The following ATP9B variants were observed in gnomAD, a reference collection of about 807,000 sequenced individuals.
ATP9B encodes the protein probable phospholipid-transporting ATPase IIB.
Under a neutral mutation model 146.1 loss-of-function variants are expected in ATP9B, and 110 were observed. The observed-to-expected ratio is 0.75, with a 90% CI of 0.65 to 0.88. The LOEUF (loss-of-function observed/expected upper bound fraction) is 0.88, where lower values mean the gene tolerates loss of function less well. ATP9B is among the 40% of genes least tolerant of loss of function. The pLI, the probability that ATP9B is intolerant of heterozygous loss-of-function variation, is 0.00. For synonymous variants in ATP9B, 604 were observed against 569.7 expected (o/e 1.06, Z -0.86); for missense variants, 1,499 against 1,496.4 (o/e 1.00, Z -0.03).
At chr18:79,235,140 T>C (rs2095829473) in intron 11 of ATP9B, among the ~76,000 whole-genome samples, 2 of 152,204 alleles carry the variant, frequency 1.3e-5, no homozygotes, top group Admixed American at 1.3e-4. Flanking sequence ...CCCAAAGTGC[T>C]GGGTTGGATT....
rs181146838 is a variant in ATP9B, at chr18:79,167,680, G to T, written c.779-9133G>T. Among the ~76,000 whole-genome samples, 79 of 152,264 alleles carry T rather than the reference G, an allele frequency of 5.2e-4. 2 individuals are homozygous for T. In the East Asian group the frequency reaches 9.5e-3, roughly 18 times the overall value. On this transcript the variant is annotated intron_variant, in intron 7 of 29. Transcript: ENST00000426216. ...GAAGCGCATGCTGATTGGTCCATGGGCAGCCATGGGCGGGCCTAGAAAAAG... is the reference window on the plus strand; with the variant it reads ...GAAGCGCATGCTGATTGGTCCATGGTCAGCCATGGGCGGGCCTAGAAAAAG...
rs559684269 is a variant in ATP9B, at chr18:79,100,844, T to C, written c.293+4195T>C. 5.3e-4 allele frequency among the ~76,000 whole-genome samples: 80 copies of C among 152,226 alleles called. 1 individual carries two copies. The highest frequency in any genetic ancestry group is 1.9e-3 in the African/African-American group (78 of 41,524). On this transcript the variant is annotated intron_variant, in intron 2 of 29. Coordinates refer to ENST00000426216, the MANE Select transcript of ATP9B (RefSeq NM_198531.5). ...GGTGGCAGCAGGCAAAGAGAGCTTG[T>C]GCAGAAAAACTCCTGTTTTTAAAAT... is the stretch of plus-strand genomic sequence containing the variant.
At chr18:79,077,272 G>C (rs1057423793) in intron 1 of ATP9B, among the ~76,000 whole-genome samples, 3 of 152,156 alleles carry the variant, frequency 2.0e-5, no homozygotes, top group African/African-American at 7.2e-5. Flanking sequence ...GTGGTGGTGG[G>C]AGTGGAATGT....
intron 2 of ATP9B, among the ~76,000 whole-genome samples, chr18:79,107,952 G>A (rs953871925): frequency 6.6e-6 from 1 of 152,212 alleles, no homozygotes; most frequent in African/African-American, 2.4e-5. Context: ...TGATGTGGGA[G>A]TTCGGCATCA....
At chr18:79,247,849 G>C (rs9965441) in intron 11 of ATP9B, among the ~76,000 whole-genome samples, 33,871 of 152,108 alleles carry the variant, frequency 0.22, 4,087 homozygotes, top group African/African-American at 0.31. Flanking sequence ...CTTAAATTCT[G>C]AGTATAGAAT....
chr18:79,358,269 C>T (rs370436880), intron 25 of ATP9B, among the ~76,000 whole-genome samples: 1 of 984 alleles, frequency 1.0e-3, no homozygotes, highest in Non-Finnish European at 1.9e-3. Context: ...GTGAGGGGTG[C>T]CCTGGGTCTG....
At chr18:79,305,751 C>T (rs1352769390) in intron 14 of ATP9B, among the ~76,000 whole-genome samples, 2 of 152,140 alleles carry the variant, frequency 1.3e-5, no homozygotes, top group Non-Finnish European at 2.9e-5. Flanking sequence ...ATCATTTTTG[C>T]TGAAAGCTTC....
intron 10 of ATP9B, 126 bp from the exon 11 acceptor site, chr18:79,213,834 CTG>C: frequency 1.4e-6 from 1 of 707,978 alleles, no homozygotes; most frequent in Non-Finnish European, 2.2e-6. Flanking sequence ...ATTAAATACA[CTG>C]TTGGATAAAT....
At chr18:79,078,777 C>T (rs540305515) in intron 1 of ATP9B, among the ~76,000 whole-genome samples, 1 of 152,028 alleles carries the variant, frequency 6.6e-6, no homozygotes, top group East Asian at 1.9e-4. Flanking sequence ...CCATCATCTA[C>T]ATTAGGTATT....
intron 15 of ATP9B, among the ~76,000 whole-genome samples, chr18:79,307,702 A>G (rs1368746363): frequency 1.3e-5 from 2 of 152,254 alleles, no homozygotes; most frequent in Non-Finnish European, 2.9e-5. Context: ...AATGTAAATA[A>G]TTTCCAAAAC....
Position 79,373,900 on chromosome 18 carries a change from G to A in ATP9B, c.3073G>A (p.Gly1025Ser), listed in dbSNP as rs187515912. Residue 1025 changes from glycine to serine, a missense_variant and splice_region_variant, in exon 28 of 30, where the codon GGC becomes AGC. Coordinates refer to ENST00000426216, the MANE Select transcript of ATP9B (RefSeq NM_198531.5). ...AAAAAGCTCCTGCTGTTTTTCAGGC[G>A]GCATCCTCATGTATGGGGCCCTGGT... ...IWVLISIYQG[G>S]ILMYGALVLF... The A allele has an allele frequency of 2.3e-4, 376 of 1,612,556 alleles. 2 individuals are homozygous for A. The East Asian group carries it at 7.3e-3, about 31-fold the overall frequency.
At chr18:79,146,701 C>T (rs141998900) in intron 6 of ATP9B, 8 of 205,346 alleles carry the variant, frequency 3.9e-5, no homozygotes, top group East Asian at 1.6e-4. Context: ...TCCCTGACCA[C>T]GTGAGTACGC....
At chr18:79,295,128 A>G (rs1432248500) in intron 13 of ATP9B, among the ~76,000 whole-genome samples, 2 of 146,190 alleles carry the variant, frequency 1.4e-5, no homozygotes, top group Non-Finnish European at 3.0e-5. Flanking sequence ...ACACACACAC[A>G]GCAAGGTTGA....
rs75860502 is a variant in ATP9B, at chr18:79,081,642, G to A, written c.119+12113G>A. On this transcript the variant is annotated intron_variant, in intron 1 of 29. Transcript: ENST00000426216. ...AAAAACCCTTCAAACCCTTTTCTTCGAAGGGTTTTTCGTGTCTCTATCTCC... is the reference window on the plus strand; with the variant it reads ...AAAAACCCTTCAAACCCTTTTCTTCAAAGGGTTTTTCGTGTCTCTATCTCC... Among the ~76,000 whole-genome samples, 9 of 148,386 alleles carry A rather than the reference G, an allele frequency of 6.1e-5. No individual in the cohort carries two copies. The East Asian group carries it at 1.0e-3, about 17-fold the overall frequency.
intron 11 of ATP9B, among the ~76,000 whole-genome samples, chr18:79,224,628 C>T (rs1443210514): frequency 6.6e-6 from 1 of 152,216 alleles, no homozygotes; most frequent in Non-Finnish European, 1.5e-5. Context: ...TCACCAGGGA[C>T]ACCTTCAAGC....
At chr18:79,184,941 A>G (rs931166869) in intron 8 of ATP9B, among the ~76,000 whole-genome samples, 2 of 151,964 alleles carry the variant, frequency 1.3e-5, no homozygotes, top group African/African-American at 4.8e-5. Flanking sequence ...AGTAGAAAAG[A>G]AAGTACAGAA....
At chr18:79,193,039 A>G (rs2095383257) in intron 8 of ATP9B, 144 bp from the exon 9 acceptor site, 1 of 645,900 alleles carries the variant, frequency 1.5e-6, no homozygotes, top group Non-Finnish European at 2.6e-6. Context: ...TCTAATTTAT[A>G]GTGTTGGCAC....
chr18:79,284,841 G>T (rs1388325382), intron 13 of ATP9B, among the ~76,000 whole-genome samples: 1 of 133,962 alleles, frequency 7.5e-6, no homozygotes, highest in East Asian at 2.3e-4. Context: ...TCATTGTTCA[G>T]TTCCCACCTA....
Position 79,116,954 on chromosome 18 carries a change from AAAGAAAT to A in ATP9B, c.558+3603_558+3609del, listed in dbSNP as rs1197513694. Among the ~76,000 whole-genome samples the A allele has an allele frequency of 7.4e-5, 7 of 95,006 alleles. No individual in the cohort carries two copies. The South Asian group carries it at 3.3e-3, about 44-fold the overall frequency. 62.3% of individuals were successfully genotyped at this position (95,006 alleles called of 152,430 possible). ...AAAAAAAAAATTAAAAAAAAAAAAA[AAAGAAAT>A]AATGATTGATCACAAAGTCTAAAGA... On this transcript the variant is annotated intron_variant, in intron 4 of 29. Transcript: ENST00000426216.
Sources: allele counts gnomAD v4.1 joint callset (sites outside exome capture counted in the v4.1 genomes callset), GRCh38; gene constraint gnomAD v4.1.1; transcripts MANE v1.5; gene names NCBI Gene and HGNC (gene_info 2026-07-23, HGNC 2026-07-21).